Variants in LRATD1 observed in about 807,000 individuals in gnomAD.
LRATD1 encodes the protein protein LRATD1.
Under a neutral mutation model 21.3 loss-of-function variants are expected in LRATD1, and 8 were observed. The observed-to-expected ratio is 0.38, with a 90% CI of 0.22 to 0.68. The LOEUF is 0.68. Among genes scored for constraint, LRATD1 ranks in the 30% least tolerant of loss-of-function variants. The probability of loss-of-function intolerance (pLI) is 0.54; values close to 1 mark genes in which losing one functional copy is unlikely to be tolerated. For missense variants in LRATD1, 380 were observed against 404.0 expected (o/e 0.94, Z 0.51); for synonymous variants, 210 against 186.2 (o/e 1.13, Z -1.04).
rs1671742433 is a variant in LRATD1 at position 14,638,577 on chromosome 2, C to T, written c.*3719C>T. ...TGAATAAGCAGTATATACTAAAAGT[C>T]TTCAAACATTACTTTATTGATTACT... On this transcript the variant is annotated 3_prime_UTR_variant, in exon 2 of 2. Coordinates refer to ENST00000295092, the MANE Select transcript of LRATD1 (RefSeq NM_145175.4). 6.0e-6 allele frequency: 1 copy of T among 166,918 alleles called. No individual in the cohort carries two copies. Among genetic ancestry groups the T allele is most frequent in the Non-Finnish European group, 1.5e-5 (1 of 68,080 alleles). The allele number at this position is 166,918 out of a possible 1,614,324, so 10.3% of individuals were successfully genotyped here.
rs528575711 is a variant in LRATD1 at position 14,635,024 on chromosome 2, C to G, written c.*166C>G. 36 of 1,011,088 alleles carry G rather than the reference C, an allele frequency of 3.6e-5. No homozygotes were observed. Among genetic ancestry groups the G allele is most frequent in the South Asian group, 2.9e-4 (20 of 68,918 alleles). 62.6% of individuals were successfully genotyped at this position (1,011,088 alleles called of 1,614,324 possible). ...CTGCACCCCCGCATCCCCAAGCCAG[C>G]GGCAGGAAGTCTCAGGAACTGCCCC... On this transcript the variant is annotated 3_prime_UTR_variant, in exon 2 of 2. Coordinates refer to ENST00000295092, the MANE Select transcript of LRATD1 (RefSeq NM_145175.4).
downstream of LRATD1, among the ~76,000 whole-genome samples, chr2:14,642,508 ATGGGCTGTAGAC>A (rs1671823769): frequency 6.6e-6 from 1 of 152,196 alleles, no homozygotes; most frequent in Non-Finnish European, 1.5e-5. Context: ...ACTGTAGTGA[ATGGGCTGTAGAC>A]TGCCCGAGAT....
rs761030709 is a variant in LRATD1 at position 14,634,430 on chromosome 2, G to A, written c.451G>A (p.Gly151Arg). ...GCACTGGGCCGTCTACGTGGGCGGC[G>A]GGCAGATCATCCACCTGCACCAAGG... ...APHWAVYVGG[G>R]QIIHLHQGEI... Residue 151 changes from glycine to arginine, a missense_variant, in exon 2 of 2, where the codon GGG (glycine) becomes AGG (arginine). Coordinates refer to ENST00000295092, the MANE Select transcript of LRATD1 (RefSeq NM_145175.4). 1 of 1,524,740 alleles carries A rather than the reference G, an allele frequency of 6.6e-7. No homozygotes were observed. Among genetic ancestry groups the A allele is most frequent in the Non-Finnish European group, 8.8e-7 (1 of 1,139,974 alleles). 94.5% of individuals were successfully genotyped at this position (1,524,740 alleles called of 1,614,324 possible).
rs901125304 is a variant in LRATD1, at chr2:14,639,927, A to G, written c.*5069A>G. Reference sequence around the variant, plus strand: ...AAAATTGGCAGGTTCTTTCCACCACAAAAGGCTCTTGGAAATATAACTTAT... The same window carrying G: ...AAAATTGGCAGGTTCTTTCCACCACGAAAGGCTCTTGGAAATATAACTTAT... On this transcript the variant is annotated 3_prime_UTR_variant, in exon 2 of 2. Coordinates refer to ENST00000295092, the MANE Select transcript of LRATD1 (RefSeq NM_145175.4). The G allele has an allele frequency of 3.0e-5, 5 of 167,118 alleles. No individual in the cohort carries two copies. The highest frequency in any genetic ancestry group is 7.3e-5 in the Non-Finnish European group (5 of 68,110). The allele number at this position is 167,118 out of a possible 1,614,324, so 10.4% of individuals were successfully genotyped here.
At chr2:14,648,183 C>A (rs1437955060) in intron 4 of LRATD1, among the ~76,000 whole-genome samples, 2 of 152,116 alleles carry the variant, frequency 1.3e-5, no homozygotes, top group Non-Finnish European at 2.9e-5. Context: ...AATATTGTAT[C>A]CCTCAGTCTG....
At position 14,634,527 on chromosome 2, in the gene LRATD1, G is replaced by A; in HGVS notation, c.548G>A (p.Arg183His). ...GGCCGGGTGGTGAATAGCTGGTACC[G>A]CTACCGCCCGCTGGTGGCCGAGCTG... is the stretch of plus-strand genomic sequence containing the variant. ...NVGRVVNSWYRYRPLVAELVV... is the reference protein window; with the variant it reads ...NVGRVVNSWYHYRPLVAELVV... Residue 183 changes from arginine to histidine, a missense_variant, in exon 2 of 2, where the codon CGC becomes CAC. Transcript: ENST00000295092. 1 of 1,498,738 alleles carries A rather than the reference G, an allele frequency of 6.7e-7. No individual in the cohort carries two copies. Among genetic ancestry groups the A allele is most frequent in the Non-Finnish European group, 8.9e-7 (1 of 1,124,912 alleles). 92.8% of individuals were successfully genotyped at this position (1,498,738 alleles called of 1,614,324 possible).
Position 14,634,957 on chromosome 2 carries a change from C to G in LRATD1, c.*99C>G. On this transcript the variant is annotated 3_prime_UTR_variant, in exon 2 of 2. Transcript: ENST00000295092. ...AGTCAGCGGTTCTCAACCTCTGCCC[C>G]GCCCCGCCACGCGCGTCCGCCGCCG... 7.1e-7 allele frequency: 1 copy of G among 1,405,940 alleles called. No homozygotes were observed. The highest frequency in any genetic ancestry group is 9.6e-7 in the Non-Finnish European group (1 of 1,046,996). 87.1% of individuals were successfully genotyped at this position (1,405,940 alleles called of 1,614,324 possible). A position where few individuals can be genotyped will look rare whatever the true frequency, so the allele number is the denominator to read the frequency against.
In LRATD1 at chr2:14,634,999, C is replaced by G. The variant is rs1481403042; in HGVS notation, c.*141C>G. 3 of 1,183,456 alleles carry G rather than the reference C, an allele frequency of 2.5e-6. No homozygotes were observed. Among genetic ancestry groups the G allele is most frequent in the Non-Finnish European group, 3.6e-6 (3 of 830,622 alleles). The allele number at this position is 1,183,456 out of a possible 1,614,324, so 73.3% of individuals were successfully genotyped here. On this transcript the variant is annotated 3_prime_UTR_variant, in exon 2 of 2. Coordinates refer to ENST00000295092, the MANE Select transcript of LRATD1 (RefSeq NM_145175.4). ...CCGCCGCCGGTGGCCCGGGCCCGGG[C>G]TGCACCCCCGCATCCCCAAGCCAGC...
At chr2:14,651,637 A>G (rs556578148), downstream of LRATD1, among the ~76,000 whole-genome samples, 3 of 152,280 alleles carry the variant, frequency 2.0e-5, no homozygotes, top group South Asian at 4.1e-4. Context: ...CCTAAATACC[A>G]GGGAGTTTGA....
downstream of LRATD1, chr2:14,642,220 G>C (rs914386740): frequency 5.2e-5 from 8 of 152,734 alleles, no homozygotes; most frequent in African/African-American, 1.9e-4. Context: ...AAATAAGCTG[G>C]AATGATGTGA....
downstream of LRATD1, chr2:14,650,212 G>A (rs540131086): frequency 5.9e-5 from 9 of 152,168 alleles, no homozygotes; most frequent in South Asian, 1.7e-3. Context: ...CCTCTTTTCT[G>A]TCTCAGTGAC....
rs985623211 is a variant in LRATD1, at chr2:14,645,957, A to C, written n.259-147A>C. ...AGGGACACTGAGGCTTGGAAGGGGA[A>C]AACACCCAACTCAGTATCACTTATC... On this transcript the variant is annotated intron_variant and non_coding_transcript_variant, in intron 2 of 5. Transcript: ENST00000464947. The C allele has an allele frequency of 5.9e-5, 9 of 152,282 alleles. No homozygotes were observed. In the East Asian group the frequency reaches 1.7e-3, roughly 29 times the overall value. The allele number at this position is 152,282 out of a possible 1,614,324, so 9.4% of individuals were successfully genotyped here. A position where few individuals can be genotyped will look rare whatever the true frequency, so the allele number is the denominator to read the frequency against.
downstream of LRATD1, among the ~76,000 whole-genome samples, chr2:14,641,284 A>T (rs373289189): frequency 3.2e-4 from 48 of 152,232 alleles, 1 homozygote; most frequent in South Asian, 9.7e-3. Flanking sequence ...AGTGCAGGAG[A>T]AGCCTCAGAA....
chr2:14,638,454 T>C lies in LRATD1; in HGVS notation c.*3596T>C, dbSNP rs1272179138. Reference sequence around the variant, plus strand: ...AAACTTTAATGTTTACCTTCCCCTATGTTTAATTTTTCTGTGGTGAACACT... The same window carrying C: ...AAACTTTAATGTTTACCTTCCCCTACGTTTAATTTTTCTGTGGTGAACACT... On this transcript the variant is annotated 3_prime_UTR_variant, in exon 2 of 2. Coordinates refer to ENST00000295092, the MANE Select transcript of LRATD1 (RefSeq NM_145175.4). 1 of 167,030 alleles carries C rather than the reference T, an allele frequency of 6.0e-6. No individual in the cohort carries two copies. The highest frequency in any genetic ancestry group is 1.5e-5 in the Non-Finnish European group (1 of 68,100). 10.3% of individuals were successfully genotyped at this position (167,030 alleles called of 1,614,324 possible).
chr2:14,644,859 G>A (rs1477389639), downstream of LRATD1, among the ~76,000 whole-genome samples: 2 of 152,082 alleles, frequency 1.3e-5, no homozygotes. Flanking sequence ...GAGCTATGAG[G>A]ACAACTATCA....
chr2:14,634,332 C>A lies in LRATD1; in HGVS notation c.353C>A (p.Ala118Glu), dbSNP rs1418774102. Residue 118 changes from alanine (A) to glutamate (E), a missense_variant, in exon 2 of 2, where the codon GCG becomes GAG. Physicochemically the swap from Ala to Glu is moderately radical, Grantham distance 107. Coordinates refer to ENST00000295092, the MANE Select transcript of LRATD1 (RefSeq NM_145175.4). Reference sequence around the variant, plus strand: ...GTCTACGCGGTCACCGCGCTGCCAGCGCTCTGCGAACCCGGCGACCTGCTG... The same window carrying A: ...GTCTACGCGGTCACCGCGCTGCCAGAGCTCTGCGAACCCGGCGACCTGCTG... ...LSVYAVTALP[A>E]LCEPGDLLEL... is the part of the protein sequence containing the mutation. 1.3e-6 allele frequency: 2 copies of A among 1,590,390 alleles called. No individual in the cohort carries two copies. The highest frequency in any genetic ancestry group is 1.3e-5 in the African/African-American group (1 of 74,694).
chr2:14,640,634 A>G (rs976127409), downstream of LRATD1, among the ~76,000 whole-genome samples: 2 of 152,204 alleles, frequency 1.3e-5, no homozygotes, highest in Admixed American at 1.3e-4. Context: ...TTATAAGTAC[A>G]CTGACATTTA....
At position 14,639,103 on chromosome 2, in the gene LRATD1, T is replaced by TACAC. The variant is rs34456742; in HGVS notation, c.*4267_*4270dup. On this transcript the variant is annotated 3_prime_UTR_variant, in exon 2 of 2. Coordinates refer to ENST00000295092, the MANE Select transcript of LRATD1 (RefSeq NM_145175.4). The stretch of plus-strand genomic sequence containing the variant: ...ATAGCTAGCAATTATTTCATTCAGA[T>TACAC]ACACACACACACACACACACACACA... 0.041 allele frequency: 6,715 copies of TACAC among 162,732 alleles called. 380 individuals carry two copies. Among genetic ancestry groups the TACAC allele is most frequent in the African/African-American group, 0.13 (5,364 of 40,336 alleles). 10.1% of individuals were successfully genotyped at this position (162,732 alleles called of 1,614,324 possible).
Position 14,635,054 on chromosome 2 carries a change from C to T in LRATD1, c.*196C>T, listed in dbSNP as rs1246056527. 5 of 842,164 alleles carry T rather than the reference C, an allele frequency of 5.9e-6. No individual in the cohort carries two copies. In the Admixed American group the frequency reaches 1.0e-4, roughly 17 times the overall value. 52.2% of individuals were successfully genotyped at this position (842,164 alleles called of 1,614,324 possible). On this transcript the variant is annotated 3_prime_UTR_variant, in exon 2 of 2. Transcript: ENST00000295092. ...GGAAGTCTCAGGAACTGCCCCAGGG[C>T]CGAAAGGGCGCCGCTGCGAGCGCCT...
Sources: gnomAD v4.1 joint callset for allele counts (sites outside exome capture counted in the v4.1 genomes callset) on GRCh38, gnomAD v4.1.1 for gene constraint, MANE v1.5 for transcripts, NCBI Gene and HGNC (gene_info 2026-07-23, HGNC 2026-07-21) for gene names.